Variants in ECSIT observed in about 807,000 individuals in gnomAD.
The protein encoded by ECSIT is evolutionarily conserved signaling intermediate in Toll pathway, mitochondrial.
ECSIT carries 29 observed loss-of-function variants against 36.8 expected under a neutral mutation model. That is an observed-to-expected ratio of 0.79 (90% CI 0.59 to 1.08). The LOEUF is 1.08. Ranked by LOEUF, ECSIT falls within the 50% of genes least tolerant of loss-of-function variation. The probability of loss-of-function intolerance (pLI) is 0.00; values close to 1 mark genes in which losing one functional copy is unlikely to be tolerated. For synonymous variants in ECSIT, 231 were observed against 234.8 expected (o/e 0.98, Z 0.15); for missense variants, 542 against 581.0 (o/e 0.93, Z 0.69).
chr19:11,525,739 T>TAA (rs1972201197), intron 1 of ECSIT: 1 of 17,892 alleles, frequency 5.6e-5, no homozygotes, highest in Non-Finnish European at 9.0e-5. Flanking sequence ...CTGTCTCTAC[T>TAA]AACAAAAAAA....
At chr19:11,523,398 G>T (rs1006062035) in intron 1 of ECSIT, 1 of 526,688 alleles carries the variant, frequency 1.9e-6, no homozygotes, top group Non-Finnish European at 3.3e-6. Flanking sequence ...GGAGGCTTGG[G>T]TATGTTCAAG....
rs1468393758 is a variant in ECSIT at position 11,521,471 on chromosome 19, T to C, written c.-23-2278A>G. ...TATACGTGGATTTTTTTTTTTTTTT[T>C]CAGTAAAAGTTATGGCTGTACGTGG... On this transcript the variant is annotated intron_variant, in intron 1 of 7. Transcript: ENST00000270517. Among the ~76,000 whole-genome samples, 8 of 149,816 alleles carry C rather than the reference T, an allele frequency of 5.3e-5. 1 individual carries two copies. Among genetic ancestry groups the C allele is most frequent in the Admixed American group, 6.6e-5 (1 of 15,052 alleles).
Position 11,519,176 on chromosome 19 carries a change from T to C in ECSIT, c.-6A>G. On this transcript the variant is annotated 5_prime_UTR_variant, in exon 2 of 8. Transcript: ENST00000270517. The surrounding 1 kb of genome is among the most constrained non-coding windows in gnomAD (Gnocchi z 4.4). ...GTGGCCTGGACCCAGCTCATGCCTC[T>C]GCTTGTCAGACAATCACCTGGCCCA... The C allele has an allele frequency of 6.5e-7, 1 of 1,548,702 alleles. No homozygotes were observed. Among genetic ancestry groups the C allele is most frequent in the Non-Finnish European group, 8.7e-7 (1 of 1,146,396 alleles).
chr19:11,522,853 G>A (rs1052499378), intron 1 of ECSIT, among the ~76,000 whole-genome samples: 9 of 152,110 alleles, frequency 5.9e-5, no homozygotes, highest in African/African-American at 2.2e-4. Flanking sequence ...GGTGGATCAC[G>A]AGGTCAGGAG....
chr19:11,526,946 C>T (rs1225526749), intron 1 of ECSIT, among the ~76,000 whole-genome samples: 1 of 151,852 alleles, frequency 6.6e-6, no homozygotes, highest in African/African-American at 2.4e-5. Flanking sequence ...TCTCGAACTC[C>T]TGAGTTCAAG....
intron 2 of ECSIT, chr19:11,515,975 C>G (rs1480209994): frequency 1.3e-5 from 2 of 152,162 alleles, no homozygotes; most frequent in Admixed American, 1.3e-4. Context: ...ACCATGTTGG[C>G]CAGGATGGTC....
At chr19:11,512,791 T>A (rs895149245) in intron 4 of ECSIT, among the ~76,000 whole-genome samples, 2 of 151,922 alleles carry the variant, frequency 1.3e-5, no homozygotes, top group South Asian at 2.1e-4. Flanking sequence ...ACAGTTTTTT[T>A]AATTAGCCAG....
intron 1 of ECSIT, among the ~76,000 whole-genome samples, chr19:11,528,293 C>A (rs1307792621): frequency 6.6e-6 from 1 of 152,122 alleles, no homozygotes; most frequent in Non-Finnish European, 1.5e-5. Flanking sequence ...GCTCTGTTGC[C>A]CAGGCTGGGG....
At position 11,513,884 on chromosome 19, in the gene ECSIT, T is replaced by G; in HGVS notation, c.434A>C (p.Asn145Thr). The G allele has an allele frequency of 2.5e-6, 4 of 1,614,158 alleles. No individual in the cohort carries two copies. The highest frequency in any genetic ancestry group is 3.4e-6 in the Non-Finnish European group (4 of 1,180,022). ...GTGGACGAAGATGCGCTGGATGATG[T>G]TGCGAGGCCGGAAGACCTCCTTGGG... ...IFPKEVFRPR[N>T]IIQRIFVHYP... The change falls in exon 3 of 8, where the codon AAC becomes ACC. Residue 145 changes from asparagine to threonine, a missense_variant. By Grantham distance (65) the Asn-to-Thr change is moderately conservative. Coordinates refer to ENST00000270517, the MANE Select transcript of ECSIT (RefSeq NM_016581.5).
rs781302551 is a variant in ECSIT at position 11,507,526 on chromosome 19, A to C, written c.982T>G (p.Tyr328Asp). The change falls in exon 7 of 8, where the codon TAC becomes GAC. Residue 328 changes from tyrosine to aspartate, a missense_variant. Tyr to Asp is a radical substitution (Grantham distance 160, BLOSUM62 -3). Transcript: ENST00000270517. ...EETPEEWNLY[Y>D]PMQLDLEYVR... is the part of the protein sequence containing the mutation. ...TACTCCAGGTCCAGCTGCATCGGGTAGTAGAGGTTCCACTCCTCCGGCGTC... is the reference window on the plus strand; with the variant it reads ...TACTCCAGGTCCAGCTGCATCGGGTCGTAGAGGTTCCACTCCTCCGGCGTC... 2 of 1,614,008 alleles carry C rather than the reference A, an allele frequency of 1.2e-6. No homozygotes were observed. The highest frequency in any genetic ancestry group is 4.5e-5 in the East Asian group (2 of 44,870).
chr19:11,520,887 C>A (rs1445906425), intron 1 of ECSIT, among the ~76,000 whole-genome samples: 1 of 151,448 alleles, frequency 6.6e-6, no homozygotes, highest in African/African-American at 2.4e-5. Flanking sequence ...CTCACTGCAA[C>A]CTCTGCCTCC....
At position 11,506,233 on chromosome 19, in the gene ECSIT, T is replaced by A. The variant is rs1045837; in HGVS notation, c.1247A>T (p.His416Leu). The stretch of plus-strand genomic sequence containing the variant: ...CTGCAGGTTGTCGTCTTCTTCCTGG[T>A]GGTCCTCGGGCAGGGGCGGCTCCTC... The part of the protein sequence containing the change: ...GLEEPPLPED[H>L]QEEDDNLQRQ... The change falls in exon 8 of 8, where the codon CAC (histidine) becomes CTC (leucine). Residue 416 changes from histidine to leucine, a missense_variant. Physicochemically the swap from His to Leu is moderately conservative, Grantham distance 99. Transcript: ENST00000270517. The A allele has an allele frequency of 6.2e-7, 1 of 1,609,220 alleles. No homozygotes were observed. Among genetic ancestry groups the A allele is most frequent in the South Asian group, 1.1e-5 (1 of 91,082 alleles).
intron 2 of ECSIT, among the ~76,000 whole-genome samples, chr19:11,517,909 G>A (rs2144988377): frequency 6.6e-6 from 1 of 152,190 alleles, no homozygotes; most frequent in East Asian, 1.9e-4. Flanking sequence ...AGATGCAGGA[G>A]GAGCTGCTCA....
At chr19:11,518,888 C>T (rs1972048525) in intron 2 of ECSIT, among the ~76,000 whole-genome samples, 187 bp downstream of exon 2, 1 of 152,116 alleles carries the variant, frequency 6.6e-6, no homozygotes, top group Admixed American at 6.6e-5. Flanking sequence ...GACAGAGACA[C>T]TGTCTCAAAA....
chr19:11,527,623 G>C (rs1215529824), intron 1 of ECSIT, among the ~76,000 whole-genome samples: 1 of 152,174 alleles, frequency 6.6e-6, no homozygotes, highest in Non-Finnish European at 1.5e-5. Flanking sequence ...AGAGGTTGCA[G>C]TGAACCATGA....
chr19:11,508,708 A>G (rs1055519463), intron 4 of ECSIT, among the ~76,000 whole-genome samples: 1 of 152,154 alleles, frequency 6.6e-6, no homozygotes, highest in Non-Finnish European at 1.5e-5. Context: ...GCCTGCCACC[A>G]TGCCCGGCTA....
At chr19:11,516,675 GTGTT>G (rs1461932334) in intron 2 of ECSIT, among the ~76,000 whole-genome samples, 1 of 142,700 alleles carries the variant, frequency 7.0e-6, no homozygotes, top group Non-Finnish European at 1.5e-5. Context: ...GAATGTGTGT[GTGTT>G]TATCTACACA....
At chr19:11,512,394 T>C (rs1451846482) in intron 4 of ECSIT, among the ~76,000 whole-genome samples, 1 of 151,968 alleles carries the variant, frequency 6.6e-6, no homozygotes, top group East Asian at 1.9e-4. Context: ...TTATATTATG[T>C]GAGGACACAG....
chr19:11,523,555 A>G, intron 1 of ECSIT: 1 of 1,064,594 alleles, frequency 9.4e-7, no homozygotes, highest in South Asian at 1.3e-5. Flanking sequence ...AAGCTGCCAA[A>G]GCCTTAGACA....
Sources: gnomAD v4.1 joint callset for allele counts (sites outside exome capture counted in the v4.1 genomes callset) on GRCh38, gnomAD v4.1.1 for gene constraint, Gnocchi (gnomAD v3.1) non-coding constraint, MANE v1.5 for transcripts, NCBI Gene and HGNC (gene_info 2026-07-23, HGNC 2026-07-21) for gene names.